COL21A1: variants seen among roughly 807,000 people sequenced by gnomAD.
The protein encoded by COL21A1 is collagen type XXI alpha 1 chain.
COL21A1 carries 149 observed loss-of-function variants against 137.9 expected under a neutral mutation model. That is an observed-to-expected ratio of 1.08 (90% CI 0.95 to 1.24). The LOEUF (loss-of-function observed/expected upper bound fraction) is 1.24. Among genes scored for constraint, COL21A1 ranks in the 50% most tolerant of loss-of-function variants. The probability of loss-of-function intolerance (pLI) is 0.00; values close to 1 mark genes in which losing one functional copy is unlikely to be tolerated. For missense variants in COL21A1, 1,167 were observed against 1,158.4 expected, an observed-to-expected ratio of 1.01 and a Z score of -0.11; for synonymous variants, 456 against 391.5, an observed-to-expected ratio of 1.16 and a Z score of -1.95.
At chr6:56,150,565 CAA>C (rs1491033296) in intron 10 of COL21A1, among the ~76,000 whole-genome samples, 2 of 112,616 alleles carry the variant, frequency 1.8e-5, no homozygotes, top group Non-Finnish European at 3.7e-5. Context: ...CACACACACA[CAA>C]GAGTGGGGGG....
chr6:56,276,612 GAA>G (rs1292481527), intron 1 of COL21A1: 8 of 1,435,086 alleles, frequency 5.6e-6, no homozygotes, highest in Non-Finnish European at 7.8e-6. Flanking sequence ...TATTCTGGCA[GAA>G]GTTTATATTT....
intron 1 of COL21A1, among the ~76,000 whole-genome samples, chr6:56,343,507 G>C (rs1765516489): frequency 6.6e-6 from 1 of 152,190 alleles, no homozygotes; most frequent in African/African-American, 2.4e-5. Context: ...TCGACCACAT[G>C]TGGCTCTTTC....
chr6:56,339,281 A>C (rs1161140622), intron 1 of COL21A1, among the ~76,000 whole-genome samples: 1 of 152,216 alleles, frequency 6.6e-6, no homozygotes, highest in Non-Finnish European at 1.5e-5. Flanking sequence ...GTTTCCTAAA[A>C]TTAGTAAAGG....
intron 1 of COL21A1, among the ~76,000 whole-genome samples, chr6:56,199,292 GTT>G (rs75318072): frequency 4.7e-5 from 7 of 148,372 alleles, no homozygotes; most frequent in African/African-American, 1.2e-4. Flanking sequence ...ATGGAATTCT[GTT>G]TTTTTTTTAA....
chr6:56,355,086 A>C (rs1296272908), intron 1 of COL21A1, among the ~76,000 whole-genome samples: 2 of 151,966 alleles, frequency 1.3e-5, no homozygotes, highest in African/African-American at 4.8e-5. Flanking sequence ...CTGGCTAATT[A>C]ACTAAGAAGG....
At chr6:56,374,191 G>C (rs1419233528) in intron 1 of COL21A1, among the ~76,000 whole-genome samples, 1 of 152,148 alleles carries the variant, frequency 6.6e-6, no homozygotes, top group East Asian at 1.9e-4. Flanking sequence ...AAGGATGATG[G>C]AGCTCATGGA....
At chr6:56,232,377 T>G (rs1227642293) in intron 1 of COL21A1, among the ~76,000 whole-genome samples, 1 of 151,910 alleles carries the variant, frequency 6.6e-6, no homozygotes, top group Non-Finnish European at 1.5e-5. Context: ...ACAAAGTGAA[T>G]TACAAACATT....
intron 1 of COL21A1, among the ~76,000 whole-genome samples, chr6:56,366,949 C>T (rs1040490478): frequency 2.6e-5 from 4 of 152,128 alleles, no homozygotes; most frequent in Middle Eastern, 3.2e-3. Flanking sequence ...AAAACACATC[C>T]GTCTAAACCT....
intron 1 of COL21A1, among the ~76,000 whole-genome samples, chr6:56,325,141 T>C (rs1764978385): frequency 6.8e-6 from 1 of 147,700 alleles, no homozygotes. Context: ...TGAAGCCTCC[T>C]ATGTTGCATA....
intron 9 of COL21A1, among the ~76,000 whole-genome samples, chr6:56,158,967 T>C (rs1287521821): frequency 6.6e-6 from 1 of 152,208 alleles, no homozygotes; most frequent in African/African-American, 2.4e-5. Flanking sequence ...GGCTGGGCAT[T>C]AGGAAACAAC....
chr6:56,348,927 T>C (rs926713836), intron 1 of COL21A1, among the ~76,000 whole-genome samples: 33 of 152,200 alleles, frequency 2.2e-4, no homozygotes, highest in African/African-American at 6.5e-4. Context: ...TTGCAGCAGA[T>C]GGACCAAGAT....
chr6:56,132,008 T>C (rs1287550155), intron 12 of COL21A1, among the ~76,000 whole-genome samples: 1 of 151,868 alleles, frequency 6.6e-6, no homozygotes, highest in African/African-American at 2.4e-5. Context: ...ACCTCTAATA[T>C]GTCAATAGAT....
rs1174974128 is a variant in COL21A1, at chr6:56,174,581, C to T, written c.641-3453G>A. ...AGAAGAAATGAATAAATTCCTAGAA[C>T]ATATAACCTACCAAAACTGAAACAT... On this transcript the variant is annotated intron_variant, in intron 3 of 29. Coordinates refer to ENST00000244728, the MANE Select transcript of COL21A1 (RefSeq NM_030820.4). Among the ~76,000 whole-genome samples the T allele has an allele frequency of 3.3e-5, 5 of 152,038 alleles. No individual in the cohort carries two copies. The South Asian group carries it at 1.0e-3, about 32-fold the overall frequency.
intron 12 of COL21A1, among the ~76,000 whole-genome samples, chr6:56,128,614 G>A (rs924296895): frequency 2.0e-5 from 3 of 152,126 alleles, no homozygotes; most frequent in Admixed American, 2.0e-4. Flanking sequence ...AGGAGAAGGA[G>A]GTCGCCACAT....
intron 1 of COL21A1, among the ~76,000 whole-genome samples, chr6:56,306,951 C>T (rs1481933279): frequency 6.6e-6 from 1 of 152,182 alleles, no homozygotes; most frequent in Non-Finnish European, 1.5e-5. Context: ...AGTCAGAACC[C>T]TTAGCTGCAG....
At chr6:56,264,665 A>G (rs541331300) in intron 1 of COL21A1, among the ~76,000 whole-genome samples, 3 of 152,224 alleles carry the variant, frequency 2.0e-5, no homozygotes, top group Admixed American at 1.3e-4. Context: ...ATAATTCAAC[A>G]TATCAAAAAC....
chr6:56,386,069 C>T (rs2094017461), intron 1 of COL21A1, among the ~76,000 whole-genome samples: 1 of 152,126 alleles, frequency 6.6e-6, no homozygotes, highest in African/African-American at 2.4e-5. Flanking sequence ...TTCCATAAGT[C>T]AATCCCATAG....
intron 1 of COL21A1, among the ~76,000 whole-genome samples, chr6:56,289,090 A>C (rs573321809): frequency 6.6e-5 from 10 of 152,208 alleles, no homozygotes; most frequent in Non-Finnish European, 1.5e-4. Flanking sequence ...AAAGCAACAT[A>C]GGTAAAGTGT....
chr6:56,323,299 T>C (rs1253227865), intron 1 of COL21A1, among the ~76,000 whole-genome samples: 1 of 152,176 alleles, frequency 6.6e-6, no homozygotes, highest in African/African-American at 2.4e-5. Flanking sequence ...ATTGTTTTCT[T>C]GAAAAATCAC....
Sources: gnomAD v4.1 joint callset for allele counts (sites outside exome capture counted in the v4.1 genomes callset) on GRCh38, gnomAD v4.1.1 for gene constraint, MANE v1.5 for transcripts, NCBI Gene and HGNC (gene_info 2026-07-23, HGNC 2026-07-21) for gene names.